The following LPAR6 variants were observed in gnomAD, a reference collection of about 807,000 sequenced individuals.
LPAR6 encodes the protein lysophosphatidic acid receptor 6.
In LPAR6, 17 loss-of-function variants were observed where a neutral mutation model predicts 22.0. The observed-to-expected ratio is 0.77, with a 90% CI of 0.53 to 1.16. LPAR6 has a LOEUF of 1.16. Ranked by LOEUF, LPAR6 falls within the 50% of genes most tolerant of loss-of-function variation. The pLI is 0.00. For missense variants in LPAR6, 384 were observed against 406.9 expected (o/e 0.94, Z 0.48); for synonymous variants, 136 against 139.8 (o/e 0.97, Z 0.19).
chr13:48,421,272 G>T (rs186453618), intron 2 of LPAR6, among the ~76,000 whole-genome samples: 59 of 149,976 alleles, frequency 3.9e-4, no homozygotes, highest in Non-Finnish European at 7.4e-4. Flanking sequence ...TGAGACAAAG[G>T]ATTCCGTTTA....
chr13:48,407,308 A>G (rs1426064102), downstream of LPAR6, among the ~76,000 whole-genome samples: 2 of 152,172 alleles, frequency 1.3e-5, no homozygotes, highest in East Asian at 3.8e-4. Flanking sequence ...TGAAAGAGGT[A>G]ATTTTCTACC....
upstream of LPAR6, among the ~76,000 whole-genome samples, chr13:48,431,781 G>A (rs754532419): frequency 9.2e-5 from 14 of 152,140 alleles, no homozygotes; most frequent in East Asian, 1.9e-4. Context: ...CAACCTAACC[G>A]AAAAAGATTG....
intron 1 of LPAR6, among the ~76,000 whole-genome samples, chr13:48,438,402 C>T (rs1310857693): frequency 6.6e-6 from 1 of 152,068 alleles, no homozygotes; most frequent in African/African-American, 2.4e-5. Flanking sequence ...TTTGTTCTTT[C>T]TTTAGGATTC....
chr13:48,419,192 G>A (rs941845693), intron 2 of LPAR6, among the ~76,000 whole-genome samples: 1 of 152,176 alleles, frequency 6.6e-6, no homozygotes, highest in Non-Finnish European at 1.5e-5. Context: ...CAGTCTCTGA[G>A]ACCTCAGTGC....
At chr13:48,390,500 T>G (rs1593462221) in intron 1 of LPAR6, among the ~76,000 whole-genome samples, 1 of 152,240 alleles carries the variant, frequency 6.6e-6, no homozygotes, top group Non-Finnish European at 1.5e-5. Flanking sequence ...ATGTCTTCAG[T>G]GCTTGAGGGG....
At chr13:48,423,766 C>T (rs1949042011) in intron 1 of LPAR6, among the ~76,000 whole-genome samples, 2 of 152,024 alleles carry the variant, frequency 1.3e-5, no homozygotes, top group Admixed American at 1.3e-4. Flanking sequence ...AAGTGTGAGC[C>T]AGGCATAGTG....
chr13:48,427,194 A>G (rs1949092146), upstream of LPAR6, among the ~76,000 whole-genome samples: 1 of 142,516 alleles, frequency 7.0e-6, no homozygotes, highest in African/African-American at 2.6e-5. Flanking sequence ...CACCTCCAGC[A>G]TTGGGGAGCA....
chr13:48,412,698 A>G lies in LPAR6; in HGVS notation c.-275T>C. Reference sequence around the variant, plus strand: ...TCCAAGGCTCAGTTAACTGACGAGCAACCTTTAAAAAATACAGTCAACGAG... The same window carrying G: ...TCCAAGGCTCAGTTAACTGACGAGCGACCTTTAAAAAATACAGTCAACGAG... On this transcript the variant is annotated 5_prime_UTR_variant, in exon 1 of 1. Transcript: ENST00000620633. The G allele has an allele frequency of 2.1e-6, 1 of 485,526 alleles. No individual in the cohort carries two copies. Among genetic ancestry groups the G allele is most frequent in the Non-Finnish European group, 3.9e-6 (1 of 259,054 alleles). 30.1% of individuals were successfully genotyped at this position (485,526 alleles called of 1,614,324 possible).
intron 1 of LPAR6, among the ~76,000 whole-genome samples, chr13:48,433,137 AT>A (rs1949147056): frequency 2.0e-5 from 3 of 152,168 alleles, no homozygotes; most frequent in Non-Finnish European, 1.5e-5. Flanking sequence ...TGATATGAAC[AT>A]ACATGTAAGC....
intron 1 of LPAR6, among the ~76,000 whole-genome samples, chr13:48,434,543 C>T (rs577809012): frequency 1.1e-4 from 17 of 152,162 alleles, no homozygotes; most frequent in African/African-American, 4.1e-4. Flanking sequence ...CAAAAAACAC[C>T]CTGGCCCAGG....
intron 1 of LPAR6, among the ~76,000 whole-genome samples, chr13:48,398,184 A>G (rs1167228096): frequency 1.3e-5 from 2 of 152,202 alleles, no homozygotes; most frequent in Non-Finnish European, 2.9e-5. Context: ...TAAAATAACC[A>G]TGTATTTACT....
intron 1 of LPAR6, among the ~76,000 whole-genome samples, chr13:48,443,449 T>C (rs1378372238): frequency 6.6e-6 from 1 of 152,182 alleles, no homozygotes; most frequent in Non-Finnish European, 1.5e-5. Context: ...ATATTTCTAA[T>C]GTATTAAGTC....
upstream of LPAR6, among the ~76,000 whole-genome samples, chr13:48,431,754 A>G (rs1474262948): frequency 6.6e-6 from 1 of 152,168 alleles, no homozygotes; most frequent in Non-Finnish European, 1.5e-5. Flanking sequence ...TTTTAGTTAA[A>G]CAGAAGTGGA....
intron 1 of LPAR6, chr13:48,391,620 A>G (rs1328010771): frequency 1.3e-5 from 2 of 148,996 alleles, no homozygotes; most frequent in South Asian, 4.3e-4. Flanking sequence ...AAGCATTTCT[A>G]TTTTTTTTTT....
At chr13:48,396,914 T>A (rs899571933) in intron 1 of LPAR6, among the ~76,000 whole-genome samples, 2 of 152,196 alleles carry the variant, frequency 1.3e-5, no homozygotes, top group Admixed American at 6.5e-5. Flanking sequence ...CCACTGGTCA[T>A]TAGAGAAATG....
chr13:48,430,219 G>A (rs1949115276), upstream of LPAR6, among the ~76,000 whole-genome samples: 1 of 152,078 alleles, frequency 6.6e-6, no homozygotes, highest in Non-Finnish European at 1.5e-5. Context: ...ATACCCAGGG[G>A]AATTTAATGT....
chr13:48,437,751 A>G (rs1289304165), intron 1 of LPAR6, among the ~76,000 whole-genome samples: 2 of 152,170 alleles, frequency 1.3e-5, no homozygotes, highest in African/African-American at 4.8e-5. Flanking sequence ...GAAACTGCAG[A>G]TTTTTATAAA....
chr13:48,425,809 A>G (rs912885589), intron 1 of LPAR6, among the ~76,000 whole-genome samples: 3 of 152,224 alleles, frequency 2.0e-5, no homozygotes, highest in Non-Finnish European at 2.9e-5. Context: ...CTTTCTATCT[A>G]ATTCAGTCTC....
Position 48,412,001 on chromosome 13 carries a change from C to G in LPAR6, c.423G>C (p.Trp141Cys), listed in dbSNP as rs766689904. 1 of 1,610,048 alleles carries G rather than the reference C, an allele frequency of 6.2e-7. No homozygotes were observed. The change falls in exon 1 of 1, where the codon TGG becomes TGC. Residue 141 changes from tryptophan to cysteine, a missense_variant. Coordinates refer to ENST00000620633, the MANE Select transcript of LPAR6 (RefSeq NM_001162498.3). ...GTGCACTTCCTCCGATCACAGTTAACCACACGCCAGTGCAAACAATCTTTG... is the reference window on the plus strand; with the variant it reads ...GTGCACTTCCTCCGATCACAGTTAAGCACACGCCAGTGCAAACAATCTTTG... ...RNAKIVCTGV[W>C]LTVIGGSAPA... is the part of the protein sequence containing the mutation.
Sources: allele counts gnomAD v4.1 joint callset (sites outside exome capture counted in the v4.1 genomes callset), GRCh38; gene constraint gnomAD v4.1.1; transcripts MANE v1.5; gene names NCBI Gene and HGNC (gene_info 2026-07-23, HGNC 2026-07-21).